RPS6KA2: variants seen among roughly 807,000 people sequenced by gnomAD.
RPS6KA2 encodes ribosomal protein S6 kinase A2.
RPS6KA2 carries 42 observed loss-of-function variants against 91.8 expected under a neutral mutation model. That is an observed-to-expected ratio of 0.46 (90% CI 0.36 to 0.59). The LOEUF (loss-of-function observed/expected upper bound fraction) is 0.59. Ranked by LOEUF, RPS6KA2 falls within the 20% of genes least tolerant of loss-of-function variation. RPS6KA2 has a pLI of 0.00. For missense variants in RPS6KA2, 798 were observed against 978.5 expected (o/e 0.82, Z 2.46); for synonymous variants, 414 against 393.6 (o/e 1.05, Z -0.61).
In RPS6KA2 at chr6:166,700,963, G is replaced by C. The variant is rs1274814518; in HGVS notation, c.123+157237C>G. 4.2e-6 allele frequency: 3 copies of C among 719,786 alleles called. No homozygotes were observed. In the East Asian group the frequency reaches 7.4e-5, roughly 18 times the overall value. 44.6% of individuals were successfully genotyped at this position (719,786 alleles called of 1,614,324 possible). ...GAGACAGGAGTTCAAAAGTTGCCTG[G>C]TCCTCAGAAACAAGTGGCTAGGTAA... On this transcript the variant is annotated intron_variant, in intron 2 of 21. Transcript: ENST00000503859.
intron 14 of RPS6KA2, among the ~76,000 whole-genome samples, chr6:166,436,658 A>G (rs1285404618): frequency 6.6e-6 from 1 of 152,204 alleles, no homozygotes; most frequent in Admixed American, 6.5e-5. Context: ...AGTGGTCCCT[A>G]ACAGTCAGCC....
rs188899851 is a variant in RPS6KA2, at chr6:166,652,538, A to T, written c.124-113754T>A. On this transcript the variant is annotated intron_variant, in intron 2 of 21. Transcript: ENST00000503859. ...ATGAACTGGACACGTTTCTTGACTTAATCAAGTTATGTCCTATTTTTGCCC... is the reference window on the plus strand; with the variant it reads ...ATGAACTGGACACGTTTCTTGACTTTATCAAGTTATGTCCTATTTTTGCCC... Among the ~76,000 whole-genome samples, 251 of 152,262 alleles carry T rather than the reference A, an allele frequency of 1.6e-3. 2 individuals are homozygous for T. Among genetic ancestry groups the T allele is most frequent in the African/African-American group, 5.8e-3 (243 of 41,542 alleles).
intron 2 of RPS6KA2, chr6:166,701,988 T>C (rs1403516675): frequency 9.9e-7 from 1 of 1,011,218 alleles, no homozygotes; most frequent in Non-Finnish European, 1.6e-6. Flanking sequence ...TGAGCTAAAA[T>C]CTTCAAGGGG....
intron 2 of RPS6KA2, among the ~76,000 whole-genome samples, chr6:166,715,336 A>C (rs1485566785): frequency 6.6e-6 from 1 of 152,204 alleles, no homozygotes; most frequent in African/African-American, 2.4e-5. Context: ...GGGGCACTTG[A>C]ATTAGTCTGA....
At position 166,733,835 on chromosome 6, in the gene RPS6KA2, C is replaced by T. The variant is rs1307266740; in HGVS notation, c.123+124365G>A. ...TTTCTGCGTTTTTCTGTTTATAAAG[C>T]GGATATGAGCAGGTTTACAGGCTGA... On this transcript the variant is annotated intron_variant, in intron 2 of 21. Transcript: ENST00000503859. This position sits in a 1 kb window ranked among gnomAD's most constrained non-coding sequence, Gnocchi z 4.1. 6.6e-6 allele frequency among the ~76,000 whole-genome samples: 1 copy of T among 152,152 alleles called. No homozygotes were observed. The highest frequency in any genetic ancestry group is 1.5e-5 in the Non-Finnish European group (1 of 68,014).
chr6:166,694,240 C>T (rs749181520), intron 2 of RPS6KA2, among the ~76,000 whole-genome samples: 1 of 152,218 alleles, frequency 6.6e-6, no homozygotes, highest in Non-Finnish European at 1.5e-5. Context: ...ACACAGGAAC[C>T]GGCTGCTTTA....
chr6:166,675,536 C>T (rs576267425), intron 2 of RPS6KA2, among the ~76,000 whole-genome samples: 1 of 152,230 alleles, frequency 6.6e-6, no homozygotes, highest in Non-Finnish European at 1.5e-5. Context: ...CCCAGCGCGA[C>T]GTGCTCCTGA....
chr6:166,410,782 C>A lies in RPS6KA2; in HGVS notation c.*1980G>T, dbSNP rs569576595. On this transcript the variant is annotated 3_prime_UTR_variant, in exon 21 of 21. Transcript: ENST00000265678. ...AACCCACTGACTTTAAGCAAACAGACAGGCCTGCACACCAAGCCAGGCCAA... is the reference window on the plus strand; with the variant it reads ...AACCCACTGACTTTAAGCAAACAGAAAGGCCTGCACACCAAGCCAGGCCAA... 1.2e-4 allele frequency: 18 copies of A among 152,188 alleles called. No homozygotes were observed. Among genetic ancestry groups the A allele is most frequent in the African/African-American group, 4.1e-4 (17 of 41,520 alleles). The allele number at this position is 152,188 out of a possible 1,614,324, so 9.4% of individuals were successfully genotyped here. A position where few individuals can be genotyped will look rare whatever the true frequency, so the allele number is the denominator to read the frequency against.
rs573865177 is a variant in RPS6KA2, at chr6:166,517,766, C to T, written c.299-7409G>A. 8.5e-5 allele frequency among the ~76,000 whole-genome samples: 13 copies of T among 152,276 alleles called. No homozygotes were observed. In the East Asian group the frequency reaches 1.2e-3, roughly 14 times the overall value. ...CTGGGATTACAGGCGTGAGCCACCG[C>T]GCCCGGCCCACTTAAGGCATTCTTA... On this transcript the variant is annotated intron_variant, in intron 3 of 20. Coordinates refer to ENST00000265678, the MANE Select transcript of RPS6KA2 (RefSeq NM_021135.6).
intron 2 of RPS6KA2, among the ~76,000 whole-genome samples, chr6:166,675,552 G>C (rs1487992864): frequency 6.6e-6 from 1 of 152,036 alleles, no homozygotes; most frequent in Admixed American, 6.6e-5. Flanking sequence ...CCTGAGATCA[G>C]CCCTGCTGGG....
At chr6:166,642,262 A>G (rs1309231525) in intron 2 of RPS6KA2, among the ~76,000 whole-genome samples, 2 of 152,210 alleles carry the variant, frequency 1.3e-5, no homozygotes, top group African/African-American at 2.4e-5. Flanking sequence ...GCGATGTGCT[A>G]AGAGAAAATA....
At chr6:166,636,318 G>A (rs138414457) in intron 2 of RPS6KA2, among the ~76,000 whole-genome samples, 5,009 of 150,024 alleles carry the variant, frequency 0.033, 212 homozygotes, top group African/African-American at 0.092. Context: ...AGCCTATCTC[G>A]GACAGGCTTG....
chr6:166,530,931 C>T (rs1783251977), intron 3 of RPS6KA2, among the ~76,000 whole-genome samples: 1 of 152,276 alleles, frequency 6.6e-6, no homozygotes, highest in African/African-American at 2.4e-5. Flanking sequence ...CCATCCAGCC[C>T]AACAGCCTGC....
intron 2 of RPS6KA2, among the ~76,000 whole-genome samples, chr6:166,731,166 C>A (rs998945946): frequency 6.6e-6 from 1 of 151,972 alleles, no homozygotes; most frequent in Admixed American, 6.6e-5. Flanking sequence ...TGCTTGAACC[C>A]GGGAGGTGGA....
Position 166,737,423 on chromosome 6 carries a change from A to G in RPS6KA2, c.123+120777T>C, listed in dbSNP as rs1790698300. ...CTTAGATTTGTAGGCATGCATAGCC[A>G]GACACCTCGAGAAATGACGCACGCC... On this transcript the variant is annotated intron_variant, in intron 2 of 21. Coordinates refer to the RPS6KA2 transcript ENST00000503859. This position sits in a 1 kb window ranked among gnomAD's most constrained non-coding sequence, Gnocchi z 4.3. Among the ~76,000 whole-genome samples, 1 of 152,230 alleles carries G rather than the reference A, an allele frequency of 6.6e-6. No homozygotes were observed. Among genetic ancestry groups the G allele is most frequent in the African/African-American group, 2.4e-5 (1 of 41,460 alleles).
intron 2 of RPS6KA2, chr6:166,757,641 C>T (rs1230839111): frequency 2.2e-6 from 1 of 455,984 alleles, no homozygotes; most frequent in Admixed American, 2.4e-5. Flanking sequence ...GCCAGGGCAG[C>T]CGCCACTCCT....
At chr6:166,640,870 T>C (rs1017923657) in intron 2 of RPS6KA2, among the ~76,000 whole-genome samples, 1 of 151,470 alleles carries the variant, frequency 6.6e-6, no homozygotes, top group Admixed American at 6.6e-5. Context: ...CGGCGTGACC[T>C]TGGAAGAACC....
chr6:166,505,040 A>G (rs1782148754), intron 5 of RPS6KA2, among the ~76,000 whole-genome samples: 2 of 152,162 alleles, frequency 1.3e-5, no homozygotes, highest in African/African-American at 4.8e-5. Context: ...GGGCTCAAAT[A>G]TCATTCTTTC....
chr6:166,752,758 T>TA (rs1777886925), intron 2 of RPS6KA2, among the ~76,000 whole-genome samples: 2 of 152,208 alleles, frequency 1.3e-5, no homozygotes, highest in African/African-American at 4.8e-5. Context: ...TTTATGTGGT[T>TA]GTTAGCCTCT....
Sources: allele counts gnomAD v4.1 joint callset (sites outside exome capture counted in the v4.1 genomes callset), GRCh38; gene constraint gnomAD v4.1.1; non-coding constraint Gnocchi (gnomAD v3.1); transcripts MANE v1.5; gene names NCBI Gene and HGNC (gene_info 2026-07-23, HGNC 2026-07-21).